The following DNAJB1 variants were observed in gnomAD, a reference collection of about 807,000 sequenced individuals.
DNAJB1 encodes dnaJ homolog subfamily B member 1.
In DNAJB1, 14 loss-of-function variants were observed where a neutral mutation model predicts 24.0. The observed-to-expected ratio is 0.58, with a 90% CI of 0.39 to 0.91. The LOEUF (loss-of-function observed/expected upper bound fraction) is 0.91, where lower values mean the gene tolerates loss of function less well. Ranked by LOEUF, DNAJB1 falls within the 40% of genes least tolerant of loss-of-function variation. The pLI is 0.00. For synonymous variants in DNAJB1, 262 were observed against 174.4 expected, an observed-to-expected ratio of 1.50 and a Z score of -3.96; for missense variants, 517 against 458.1, an observed-to-expected ratio of 1.13 and a Z score of -1.17.
upstream of DNAJB1, among the ~76,000 whole-genome samples, chr19:14,522,349 G>A (rs887258686): frequency 7.2e-5 from 11 of 151,892 alleles, no homozygotes; most frequent in African/African-American, 2.7e-4. Context: ...GCCGGGTGTG[G>A]TGGGTCACGC....
At chr19:14,522,792 G>A (rs1051239858), upstream of DNAJB1, among the ~76,000 whole-genome samples, 1 of 151,990 alleles carries the variant, frequency 6.6e-6, no homozygotes, top group Admixed American at 6.6e-5. Flanking sequence ...AACTATGCAA[G>A]TGAGTCTGAG....
At chr19:14,544,925 G>A (rs185115672) in intron 1 of DNAJB1, among the ~76,000 whole-genome samples, 2 of 152,192 alleles carry the variant, frequency 1.3e-5, no homozygotes, top group Admixed American at 1.3e-4. Context: ...GAGCCACCAT[G>A]CCCAGCACGT....
upstream of DNAJB1, among the ~76,000 whole-genome samples, chr19:14,521,655 C>T (rs1013302761): frequency 2.6e-5 from 4 of 151,932 alleles, no homozygotes; most frequent in Non-Finnish European, 5.9e-5. Context: ...GAGTTTCACT[C>T]TTGTAGCCCA....
At chr19:14,544,690 G>A (rs7248009) in intron 1 of DNAJB1, among the ~76,000 whole-genome samples, 84,989 of 149,084 alleles carry the variant, frequency 0.57, 24,948 homozygotes, top group South Asian at 0.68. Flanking sequence ...CTGGAGTGCA[G>A]TGGCACGATC....
chr19:14,541,645 A>G (rs2073100451), intron 1 of DNAJB1, among the ~76,000 whole-genome samples: 1 of 152,166 alleles, frequency 6.6e-6, no homozygotes, highest in Non-Finnish European at 1.5e-5. Context: ...AGGGAGGAGA[A>G]TGGTGTTCTA....
upstream of DNAJB1, chr19:14,529,463 A>C (rs1041066085): frequency 9.2e-6 from 6 of 654,214 alleles, no homozygotes; most frequent in African/African-American, 1.1e-4. Flanking sequence ...TTGATTGGTC[A>C]ATCCCCTGGT....
intron 1 of DNAJB1, among the ~76,000 whole-genome samples, chr19:14,534,979 G>T (rs767388615): frequency 6.6e-6 from 1 of 152,190 alleles, no homozygotes; most frequent in African/African-American, 2.4e-5. Flanking sequence ...TCCCTGAAGG[G>T]AGGGCGAGGT....
In DNAJB1 at chr19:14,514,922, T is replaced by TC. The variant is rs2072229798; in HGVS notation, c.*1017dup. On this transcript the variant is annotated 3_prime_UTR_variant, in exon 3 of 3. Coordinates refer to ENST00000254322, the MANE Select transcript of DNAJB1 (RefSeq NM_006145.3). ...GACATTTGTTCCAACTCCCCTTCCC[T>TC]CCCCAAGATTTCTTCAGAATTCCAT... 4 of 152,464 alleles carry TC rather than the reference T, an allele frequency of 2.6e-5. No homozygotes were observed. Among genetic ancestry groups the TC allele is most frequent in the Non-Finnish European group, 5.9e-5 (4 of 68,046 alleles). The allele number at this position is 152,464 out of a possible 1,614,324, so 9.4% of individuals were successfully genotyped here. A position where few individuals can be genotyped will look rare whatever the true frequency, so the allele number is the denominator to read the frequency against.
intron 1 of DNAJB1, among the ~76,000 whole-genome samples, chr19:14,549,794 T>C (rs2073430753): frequency 6.6e-6 from 1 of 151,906 alleles, no homozygotes; most frequent in African/African-American, 2.4e-5. Context: ...AATACAAAAA[T>C]TAGCTGGGCA....
At chr19:14,546,020 C>T (rs2073294599) in intron 1 of DNAJB1, 1 of 152,196 alleles carries the variant, frequency 6.6e-6, no homozygotes, top group East Asian at 1.9e-4. Context: ...ATCTCCCTTC[C>T]TGGCTGGGTC....
chr19:14,529,938 T>C (rs950124245), upstream of DNAJB1: 5 of 627,242 alleles, frequency 8.0e-6, no homozygotes, highest in Non-Finnish European at 1.4e-5. Flanking sequence ...GGGTACTTTT[T>C]CTTGGGGGTC....
upstream of DNAJB1, among the ~76,000 whole-genome samples, chr19:14,552,679 C>T (rs1324690347): frequency 2.0e-5 from 3 of 151,936 alleles, no homozygotes; most frequent in Non-Finnish European, 4.4e-5. Flanking sequence ...GGACTACAGG[C>T]ACCCGCCACC....
chr19:14,518,118 C>G lies in DNAJB1; in HGVS notation c.211+21G>C. ...CTGTCTGTCAAAAGGCGGGGCCGCG[C>G]CCCTGGCCGCGAGCACACACCTTCC... On this transcript the variant is annotated intron_variant, in intron 1 of 2. Transcript: ENST00000254322. The G allele has an allele frequency of 2.7e-6, 4 of 1,470,754 alleles. No homozygotes were observed. In the South Asian group the frequency reaches 5.4e-5, roughly 20 times the overall value. 91.1% of individuals were successfully genotyped at this position (1,470,754 alleles called of 1,614,324 possible). A position where few individuals can be genotyped will look rare whatever the true frequency, so the allele number is the denominator to read the frequency against.
intron 1 of DNAJB1, among the ~76,000 whole-genome samples, chr19:14,537,175 GGGGAA>G (rs2072930476): frequency 7.3e-6 from 1 of 137,056 alleles, no homozygotes; most frequent in South Asian, 2.5e-4. Context: ...CGGGGCCGGG[GGGGAA>G]GGGGAGGCCG....
chr19:14,526,792 T>C (rs2146535156), intron 2 of DNAJB1, among the ~76,000 whole-genome samples: 1 of 152,256 alleles, frequency 6.6e-6, no homozygotes, highest in East Asian at 1.9e-4. Flanking sequence ...ATTAAATAAG[T>C]TGAAAATTTG....
chr19:14,529,802 G>C, upstream of DNAJB1: 3 of 1,584,128 alleles, frequency 1.9e-6, no homozygotes, highest in Non-Finnish European at 2.6e-6. Flanking sequence ...TTCTGGTCCT[G>C]TGCCCCGAAG....
chr19:14,519,363 C>T (rs2072336339), upstream of DNAJB1, among the ~76,000 whole-genome samples: 1 of 152,086 alleles, frequency 6.6e-6, no homozygotes, highest in Non-Finnish European at 1.5e-5. Context: ...AGCGAGACTC[C>T]GTCTCATAAA....
At position 14,516,532 on chromosome 19, in the gene DNAJB1, C is replaced by T. The variant is rs149681426; in HGVS notation, c.726G>A (p.Lys242=). The change falls in exon 2 of 3, where the codon AAG becomes AAA. Residue 242 remains lysine (K), a synonymous_variant. Transcript: ENST00000254322. The part of the protein sequence containing the change: ...PADIVFVLKD[K]PHNIFKRDGS... Reference sequence around the variant, plus strand: ...CATCTCTCTTAAAGATATTGTGGGGCTTGTCCTTTAAAACAAAGACGATAT... The same window carrying T: ...CATCTCTCTTAAAGATATTGTGGGGTTTGTCCTTTAAAACAAAGACGATAT... 4 of 1,614,206 alleles carry T rather than the reference C, an allele frequency of 2.5e-6. No individual in the cohort carries two copies. The highest frequency in any genetic ancestry group is 3.4e-6 in the Non-Finnish European group (4 of 1,180,044).
At position 14,518,217 on chromosome 19, in the gene DNAJB1, A is replaced by T. The variant is rs2072311055; in HGVS notation, c.133T>A (p.Phe45Ile). Residue 45 changes from phenylalanine to isoleucine, a missense_variant, in exon 1 of 3, where the codon TTC (phenylalanine) becomes ATC (isoleucine). Phe to Ile is a conservative substitution (Grantham distance 21, BLOSUM62 0). Coordinates refer to ENST00000254322, the MANE Select transcript of DNAJB1 (RefSeq NM_006145.3). ...TCGTAGGCCTCAGCGATCTCCTTGA[A>T]CTTCTCCTCGGCGCCGGGCTCCTTG... ...KNKEPGAEEK[F>I]KEIAEAYDVL... is the part of the protein sequence containing the mutation. 1 of 1,609,790 alleles carries T rather than the reference A, an allele frequency of 6.2e-7. No homozygotes were observed. Among genetic ancestry groups the T allele is most frequent in the Non-Finnish European group, 8.5e-7 (1 of 1,178,432 alleles).
Sources: allele counts gnomAD v4.1 joint callset (sites outside exome capture counted in the v4.1 genomes callset), GRCh38; gene constraint gnomAD v4.1.1; transcripts MANE v1.5; gene names NCBI Gene and HGNC (gene_info 2026-07-23, HGNC 2026-07-21).